Variants in NEK10 observed in about 807,000 individuals in gnomAD.
NEK10 encodes the protein NIMA related kinase 10.
NEK10 carries 122 observed loss-of-function variants against 159.8 expected under a neutral mutation model. The observed-to-expected ratio is 0.76, with a 90% CI of 0.66 to 0.89. The LOEUF (loss-of-function observed/expected upper bound fraction) is 0.89. NEK10 is among the 40% of genes least tolerant of loss of function. The pLI is 0.00. For synonymous variants in NEK10, 466 were observed against 457.1 expected (o/e 1.02, Z -0.25); for missense variants, 1,342 against 1,323.1 (o/e 1.01, Z -0.22).
chr3:27,157,186 G>A (rs1247081258), intron 30 of NEK10, among the ~76,000 whole-genome samples: 2 of 151,540 alleles, frequency 1.3e-5, no homozygotes, highest in Non-Finnish European at 2.9e-5. Flanking sequence ...GGGGGGAAGA[G>A]TGGGAAAGGG....
At chr3:27,299,476 C>A (rs916091396) in intron 13 of NEK10, among the ~76,000 whole-genome samples, 2 of 152,180 alleles carry the variant, frequency 1.3e-5, no homozygotes, top group African/African-American at 4.8e-5. Flanking sequence ...TCTGCTAGGG[C>A]AGTTCAGAAG....
At chr3:27,247,787 C>A (rs1955223701) in intron 23 of NEK10, among the ~76,000 whole-genome samples, 1 of 150,280 alleles carries the variant, frequency 6.7e-6, no homozygotes, top group Non-Finnish European at 1.5e-5. Flanking sequence ...TATTGGCCTG[C>A]AGTTTTCTTT....
At chr3:27,208,111 GA>G (rs2149080176) in intron 23 of NEK10, among the ~76,000 whole-genome samples, 1 of 152,226 alleles carries the variant, frequency 6.6e-6, no homozygotes, top group South Asian at 2.1e-4. Flanking sequence ...TATGGTTGCT[GA>G]AGGTTGGTAA....
chr3:27,243,484 T>C (rs983927625), intron 23 of NEK10, among the ~76,000 whole-genome samples: 1 of 152,204 alleles, frequency 6.6e-6, no homozygotes, highest in Non-Finnish European at 1.5e-5. Flanking sequence ...TTCCATTATA[T>C]GTTTACCCTC....
rs1237951909 is a variant in NEK10, at chr3:27,352,913, C to T, written c.-31G>A. ...AACATCAATGCCCCAGAATTAACAT[C>T]GCATTCCTTTAAAATTAAACCAGAG... On this transcript the variant is annotated 5_prime_UTR_variant, in exon 2 of 36. Transcript: ENST00000691995. The T allele has an allele frequency of 9.9e-6, 15 of 1,514,874 alleles. No homozygotes were observed. Among genetic ancestry groups the T allele is most frequent in the African/African-American group, 6.9e-5 (5 of 72,834 alleles). The allele number at this position is 1,514,874 out of a possible 1,614,324, so 93.8% of individuals were successfully genotyped here. A position where few individuals can be genotyped will look rare whatever the true frequency, so the allele number is the denominator to read the frequency against.
At chr3:27,148,545 C>T (rs754697764) in intron 30 of NEK10, among the ~76,000 whole-genome samples, 1 of 152,172 alleles carries the variant, frequency 6.6e-6, no homozygotes, top group Non-Finnish European at 1.5e-5. Flanking sequence ...TGTCACTGTC[C>T]TCAATTCTCA....
At chr3:27,272,073 C>T (rs937685608) in intron 22 of NEK10, among the ~76,000 whole-genome samples, 5 of 152,158 alleles carry the variant, frequency 3.3e-5, no homozygotes, top group African/African-American at 9.7e-5. Flanking sequence ...GTTTCAACAA[C>T]AGCATGACAA....
intron 22 of NEK10, among the ~76,000 whole-genome samples, chr3:27,258,148 A>T (rs1377366666): frequency 6.6e-6 from 1 of 152,128 alleles, no homozygotes; most frequent in African/African-American, 2.4e-5. Context: ...TACTGCTGAT[A>T]TATATTGTAA....
chr3:27,155,502 AAAAAATAAAT>A, intron 30 of NEK10, among the ~76,000 whole-genome samples: 1 of 134,888 alleles, frequency 7.4e-6, no homozygotes, highest in South Asian at 2.4e-4. Flanking sequence ...CTCCATCTCA[AAAAAATAAAT>A]AAAATAAAAT....
chr3:27,253,015 A>G (rs1234668702), intron 23 of NEK10: 7 of 402,236 alleles, frequency 1.7e-5, no homozygotes, highest in Non-Finnish European at 3.4e-5. Context: ...TCAAAAAAAT[A>G]ATTTTTTTAA....
chr3:27,291,854 G>A (rs1460170352), intron 16 of NEK10, among the ~76,000 whole-genome samples: 1 of 152,124 alleles, frequency 6.6e-6, no homozygotes, highest in African/African-American at 2.4e-5. Context: ...ATGTTAGCCA[G>A]GATGGTCTCG....
rs1942676476 is a variant in NEK10 at position 27,132,002 on chromosome 3, A to T, written c.2971-12T>A. 1 of 1,479,988 alleles carries T rather than the reference A, an allele frequency of 6.8e-7. No individual in the cohort carries two copies. The highest frequency in any genetic ancestry group is 1.4e-5 in the African/African-American group (1 of 71,894). The allele number at this position is 1,479,988 out of a possible 1,614,324, so 91.7% of individuals were successfully genotyped here. On this transcript the variant is annotated splice_polypyrimidine_tract_variant and intron_variant, in intron 31 of 35. Transcript: ENST00000691995. Reference sequence around the variant, plus strand: ...AAAGCTGGAGGAAGCTGCATAAAATAAGAAAACAATCATTATAAACAAATT... The same window carrying T: ...AAAGCTGGAGGAAGCTGCATAAAATTAGAAAACAATCATTATAAACAAATT...
intron 16 of NEK10, among the ~76,000 whole-genome samples, chr3:27,292,619 A>T (rs894708133): frequency 6.6e-6 from 1 of 152,090 alleles, no homozygotes; most frequent in Non-Finnish European, 1.5e-5. Flanking sequence ...GGATAACCTG[A>T]GGTCAGGAGT....
chr3:27,202,628 G>A, intron 23 of NEK10, 71 bp from the exon 24 acceptor site: 4 of 1,387,570 alleles, frequency 2.9e-6, no homozygotes, highest in Non-Finnish European at 2.8e-6. Flanking sequence ...CAATTTTCAA[G>A]CTTTATTGGA....
intron 23 of NEK10, among the ~76,000 whole-genome samples, chr3:27,235,919 T>C (rs1348536145): frequency 1.3e-5 from 2 of 151,994 alleles, no homozygotes; most frequent in African/African-American, 4.8e-5. Flanking sequence ...AAAAAAGTGA[T>C]ACATATAAAG....
intron 1 of NEK10, among the ~76,000 whole-genome samples, chr3:27,361,872 CTG>C (rs2149880679): frequency 6.8e-6 from 1 of 147,846 alleles, no homozygotes; most frequent in South Asian, 2.2e-4. Flanking sequence ...TGTGCTCTGA[CTG>C]TGCACAAGAC....
At chr3:27,216,742 G>C (rs537275392) in intron 23 of NEK10, among the ~76,000 whole-genome samples, 1 of 152,298 alleles carries the variant, frequency 6.6e-6, no homozygotes, top group East Asian at 1.9e-4. Context: ...TCCCATTCCA[G>C]TTAAGTTGCC....
chr3:27,353,698 T>C (rs954573055), intron 1 of NEK10, among the ~76,000 whole-genome samples: 2 of 152,112 alleles, frequency 1.3e-5, no homozygotes, highest in Non-Finnish European at 2.9e-5. Flanking sequence ...ACCAAGGATA[T>C]AACACCACCT....
intron 26 of NEK10, among the ~76,000 whole-genome samples, chr3:27,186,979 G>A (rs1015566482): frequency 5.9e-5 from 9 of 152,116 alleles, no homozygotes; most frequent in Admixed American, 2.6e-4. Context: ...CCACAGAGTA[G>A]GCTGCTTAAA....
Sources: gnomAD v4.1 joint callset for allele counts (sites outside exome capture counted in the v4.1 genomes callset) on GRCh38, gnomAD v4.1.1 for gene constraint, MANE v1.5 for transcripts, NCBI Gene and HGNC (gene_info 2026-07-23, HGNC 2026-07-21) for gene names.